ANO3: variants seen among roughly 807,000 people sequenced by gnomAD.
The protein encoded by ANO3 is anoctamin 3, also known as anoctamin-3.
Under a neutral mutation model 144.8 loss-of-function variants are expected in ANO3, and 99 were observed. The observed-to-expected ratio is 0.68, with a 90% CI of 0.58 to 0.81. The LOEUF (loss-of-function observed/expected upper bound fraction) is 0.81. Ranked by LOEUF, ANO3 falls within the 30% of genes least tolerant of loss-of-function variation. The pLI, the probability that ANO3 is intolerant of heterozygous loss-of-function variation, is 0.00. For synonymous variants in ANO3, 414 were observed against 392.6 expected (o/e 1.05, Z -0.64); for missense variants, 905 against 1,202.2 (o/e 0.75, Z 3.66).
chr11:26,596,701 A>C (rs944625941), intron 14 of ANO3, among the ~76,000 whole-genome samples: 1 of 152,166 alleles, frequency 6.6e-6, no homozygotes, highest in Admixed American at 6.5e-5. Context: ...GTAGATTCAG[A>C]GGTAAGGAGA....
intron 5 of ANO3, among the ~76,000 whole-genome samples, chr11:26,510,050 C>G (rs942298757): frequency 3.4e-5 from 5 of 148,064 alleles, no homozygotes; most frequent in African/African-American, 5.0e-5. Context: ...AGGAGAATCA[C>G]TTGAACCCGG....
intron 4 of ANO3, among the ~76,000 whole-genome samples, chr11:26,463,590 T>C (rs1027435470): frequency 4.0e-5 from 6 of 151,868 alleles, no homozygotes; most frequent in Non-Finnish European, 7.4e-5. Context: ...CTTGACAAGA[T>C]TATTGGAAGA....
chr11:26,325,241 A>AT (rs915135461), intron 1 of ANO3, among the ~76,000 whole-genome samples: 11 of 152,040 alleles, frequency 7.2e-5, no homozygotes, highest in Admixed American at 4.6e-4. Flanking sequence ...TGCGCAGGGT[A>AT]TTTTTTTGGC....
upstream of ANO3, among the ~76,000 whole-genome samples, chr11:26,327,229 A>G (rs533280036): frequency 6.6e-6 from 1 of 152,310 alleles, no homozygotes; most frequent in South Asian, 2.1e-4. Flanking sequence ...GACAAATAGA[A>G]AAGTGAGTCA....
intron 1 of ANO3, among the ~76,000 whole-genome samples, chr11:26,393,226 G>A (rs894691157): frequency 6.6e-6 from 1 of 152,048 alleles, no homozygotes; most frequent in Non-Finnish European, 1.5e-5. Context: ...GTGAATCTCT[G>A]TCTGTTACTC....
chr11:26,582,716 T>C (rs1306851321), intron 14 of ANO3, among the ~76,000 whole-genome samples: 1 of 152,162 alleles, frequency 6.6e-6, no homozygotes, highest in Non-Finnish European at 1.5e-5. Flanking sequence ...TTTATTTTCT[T>C]CTTTATACTT....
chr11:26,455,133 A>C (rs1022385694), intron 3 of ANO3, among the ~76,000 whole-genome samples: 2 of 151,894 alleles, frequency 1.3e-5, no homozygotes, highest in Non-Finnish European at 2.9e-5. Context: ...AATGGGCAAA[A>C]ACTGGAAGCA....
At chr11:26,459,710 T>A (rs1185217235) in intron 3 of ANO3, among the ~76,000 whole-genome samples, 1 of 151,772 alleles carries the variant, frequency 6.6e-6, no homozygotes, top group Non-Finnish European at 1.5e-5. Context: ...TACATATTAG[T>A]GGTATGTGCT....
At chr11:26,286,522 A>G (rs1371465971) in intron 1 of ANO3, among the ~76,000 whole-genome samples, 2 of 152,216 alleles carry the variant, frequency 1.3e-5, no homozygotes, top group African/African-American at 2.4e-5. Context: ...GACCAATTGT[A>G]TAATAATTGC....
chr11:26,297,601 A>C lies in ANO3; in HGVS notation c.155-12044A>C, dbSNP rs117776857. 5.8e-4 allele frequency among the ~76,000 whole-genome samples: 88 copies of C among 152,300 alleles called. No homozygotes were observed. In the East Asian group the frequency reaches 0.015, roughly 27 times the overall value. On this transcript the variant is annotated intron_variant, in intron 1 of 27. Coordinates refer to the ANO3 transcript ENST00000672621. ...TTTTGTTCTCCCTTCAAAATAAAAGACTGGTCATTTTCCCCAAAATGCTCT... is the reference window on the plus strand; with the variant it reads ...TTTTGTTCTCCCTTCAAAATAAAAGCCTGGTCATTTTCCCCAAAATGCTCT...
chr11:26,251,080 A>G (rs1852917706), intron 1 of ANO3, among the ~76,000 whole-genome samples: 2 of 152,216 alleles, frequency 1.3e-5, no homozygotes, highest in African/African-American at 2.4e-5. Flanking sequence ...AACAAAATTC[A>G]AAATTTAAAG....
intron 1 of ANO3, among the ~76,000 whole-genome samples, chr11:26,414,945 T>A (rs1214709907): frequency 3.7e-4 from 56 of 152,138 alleles, no homozygotes; most frequent in Non-Finnish European, 8.8e-5. Context: ...GGATGACTTC[T>A]TTCGTCCTGA....
chr11:26,209,550 A>G (rs913172985), intron 1 of ANO3, among the ~76,000 whole-genome samples: 1 of 151,858 alleles, frequency 6.6e-6, no homozygotes, highest in African/African-American at 2.4e-5. Flanking sequence ...CTGGTTCTAG[A>G]TCCTTCAGGA....
At chr11:26,297,564 G>A (rs2133859635) in intron 1 of ANO3, among the ~76,000 whole-genome samples, 1 of 152,244 alleles carries the variant, frequency 6.6e-6, no homozygotes, top group Middle Eastern at 3.4e-3. Flanking sequence ...AGTTTTCCAA[G>A]ATGATAATTC....
intron 14 of ANO3, chr11:26,561,221 C>T (rs757780358): frequency 6.3e-7 from 1 of 1,598,610 alleles, no homozygotes; most frequent in Non-Finnish European, 8.5e-7. Flanking sequence ...TGTCTAATCG[C>T]AGAACTAAAA....
At chr11:26,199,587 C>A (rs776788097) in intron 1 of ANO3, among the ~76,000 whole-genome samples, 3 of 152,102 alleles carry the variant, frequency 2.0e-5, no homozygotes, top group Non-Finnish European at 4.4e-5. Flanking sequence ...GCCAAAGATT[C>A]TTTTACACTC....
At chr11:26,595,753 G>C (rs921651488) in intron 14 of ANO3, among the ~76,000 whole-genome samples, 3 of 152,104 alleles carry the variant, frequency 2.0e-5, no homozygotes, top group Non-Finnish European at 4.4e-5. Flanking sequence ...ATTTTCAGTG[G>C]TTAGTGTTAA....
intron 1 of ANO3, among the ~76,000 whole-genome samples, chr11:26,207,741 C>T (rs973106350): frequency 9.4e-5 from 8 of 84,802 alleles, no homozygotes; most frequent in Admixed American, 2.3e-4. Flanking sequence ...TAAAACTGAC[C>T]GTAGTACATT....
chr11:26,315,425 T>C (rs923380387), intron 1 of ANO3, among the ~76,000 whole-genome samples: 4 of 152,166 alleles, frequency 2.6e-5, no homozygotes, highest in Non-Finnish European at 4.4e-5. Context: ...TTTCAGGGTC[T>C]AGGCAGAACA....
Sources: allele counts gnomAD v4.1 joint callset (sites outside exome capture counted in the v4.1 genomes callset), GRCh38; gene constraint gnomAD v4.1.1; transcripts MANE v1.5; gene names NCBI Gene and HGNC (gene_info 2026-07-23, HGNC 2026-07-21).